Variants in PCDHB16 observed in about 807,000 individuals in gnomAD.
The protein encoded by PCDHB16 is protocadherin beta 16, also known as protocadherin beta-16.
For synonymous variants in PCDHB16, 444 were observed against 436.5 expected (o/e 1.02, Z -0.21); for missense variants, 1,026 against 989.9 (o/e 1.04, Z -0.49).
In PCDHB16 at chr5:141,184,453, G is replaced by A. The variant is rs781986402; in HGVS notation, c.1894G>A (p.Glu632Lys). The change falls in exon 1 of 1, where the codon GAG becomes AAG. Residue 632 changes from glutamate to lysine, a missense_variant. Transcript: ENST00000609684. ...GEVRTARLLS[E>K]RDAAKQRLVV... ...GGTGCGCACCGCCAGGCTGCTGAGC[G>A]AGCGCGACGCAGCCAAGCAGAGGCT... is the stretch of plus-strand genomic sequence containing the variant. The A allele has an allele frequency of 8.2e-5, 132 of 1,608,124 alleles. No individual in the cohort carries two copies. The highest frequency in any genetic ancestry group is 1.1e-4 in the Non-Finnish European group (129 of 1,179,570).
Position 141,184,648 on chromosome 5 carries a change from G to T in PCDHB16, c.2089G>T (p.Val697Leu). ...CTACCTGGTGGTGGCGTTGGCCTCG[G>T]TGTCGTCGCTCTTCCTCTTTTCGGT... ...TVYLVVALASVSSLFLFSVLL... is the reference protein window; with the variant it reads ...TVYLVVALASLSSLFLFSVLL... The change falls in exon 1 of 1, where the codon GTG (valine) becomes TTG (leucine). Residue 697 changes from valine to leucine, a missense_variant. Physicochemically the swap from Val to Leu is conservative, Grantham distance 32. Transcript: ENST00000609684. The T allele has an allele frequency of 1.2e-6, 2 of 1,612,424 alleles. No homozygotes were observed. Among genetic ancestry groups the T allele is most frequent in the Non-Finnish European group, 8.5e-7 (1 of 1,179,516 alleles).
Position 141,185,857 on chromosome 5 carries a change from TA to T in PCDHB16, c.*972del. ...ATCTTTAACCAGCCTTATCTAAAAA[TA>T]AAAAGAGAAGCCATTGTAAGACATT... On this transcript the variant is annotated 3_prime_UTR_variant, in exon 1 of 1. Transcript: ENST00000609684. 1 of 992,636 alleles carries T rather than the reference TA, an allele frequency of 1.0e-6. No individual in the cohort carries two copies. The highest frequency in any genetic ancestry group is 1.1e-4 in the East Asian group (1 of 8,782). The allele number at this position is 992,636 out of a possible 1,614,324, so 61.5% of individuals were successfully genotyped here. A position where few individuals can be genotyped will look rare whatever the true frequency, so the allele number is the denominator to read the frequency against.
In PCDHB16 at chr5:141,186,197, T is replaced by C. The variant is rs1554282622; in HGVS notation, c.*1307T>C. Reference sequence around the variant, plus strand: ...AGCTTCTTTCTAGATATTAGGCCTTTGAATAAAATTCTATGTGAGTCAGAT... The same window carrying C: ...AGCTTCTTTCTAGATATTAGGCCTTCGAATAAAATTCTATGTGAGTCAGAT... On this transcript the variant is annotated 3_prime_UTR_variant, in exon 1 of 1. Transcript: ENST00000609684. The C allele has an allele frequency of 1.0e-6, 1 of 991,150 alleles. No homozygotes were observed. Among genetic ancestry groups the C allele is most frequent in the Non-Finnish European group, 1.2e-6 (1 of 821,992 alleles). 61.4% of individuals were successfully genotyped at this position (991,150 alleles called of 1,614,324 possible). A position where few individuals can be genotyped will look rare whatever the true frequency, so the allele number is the denominator to read the frequency against.
rs1753602894 is a variant in PCDHB16 at position 141,182,935 on chromosome 5, A to G, written c.376A>G (p.Ile126Val). 9 of 1,614,208 alleles carry G rather than the reference A, an allele frequency of 5.6e-6. No homozygotes were observed. Among genetic ancestry groups the G allele is most frequent in the Non-Finnish European group, 2.5e-6 (3 of 1,180,028 alleles). Reference protein sequence around the residue: ...IFQAELRVIDINDHSPMFTEK... With the variant: ...IFQAELRVIDVNDHSPMFTEK... ...TCAGGCTGAACTGAGGGTGATAGAT[A>G]TAAATGACCATTCTCCCATGTTCAC... is the stretch of plus-strand genomic sequence containing the variant. Residue 126 changes from isoleucine (I) to valine (V), a missense_variant, in exon 1 of 1, where the codon ATA (isoleucine) becomes GTA (valine). Coordinates refer to ENST00000609684, the MANE Select transcript of PCDHB16 (RefSeq NM_020957.4).
Position 141,186,085 on chromosome 5 carries a change from A to G in PCDHB16, c.*1195A>G. On this transcript the variant is annotated 3_prime_UTR_variant, in exon 1 of 1. Transcript: ENST00000609684. ...ACATGGTTTGGCTTTTATATTCATC[A>G]TAGTATACATTGGCGGTATCTAGCC... is the stretch of plus-strand genomic sequence containing the variant. 2 of 999,656 alleles carry G rather than the reference A, an allele frequency of 2.0e-6. No individual in the cohort carries two copies. The highest frequency in any genetic ancestry group is 3.5e-5 in the African/African-American group (2 of 57,338). The allele number at this position is 999,656 out of a possible 1,614,324, so 61.9% of individuals were successfully genotyped here. A position where few individuals can be genotyped will look rare whatever the true frequency, so the allele number is the denominator to read the frequency against.
In PCDHB16 at chr5:141,183,498, G is replaced by C. The variant is rs1244265805; in HGVS notation, c.939G>C (p.Thr313=). The C allele has an allele frequency of 1.2e-6, 2 of 1,614,206 alleles. No homozygotes were observed. The highest frequency in any genetic ancestry group is 2.2e-5 in the East Asian group (1 of 44,886). The change falls in exon 1 of 1, where the codon ACG becomes ACC. Residue 313 remains threonine (T), a synonymous_variant. Transcript: ENST00000609684. ...LRKQVDFEMV[T]SYEVRIKATD... ...AGCAAGTAGATTTCGAAATGGTTACGTCTTATGAAGTGCGCATCAAAGCCA... is the reference window on the plus strand; with the variant it reads ...AGCAAGTAGATTTCGAAATGGTTACCTCTTATGAAGTGCGCATCAAAGCCA...
In PCDHB16 at chr5:141,185,781, T is replaced by C; in HGVS notation, c.*891T>C. On this transcript the variant is annotated 3_prime_UTR_variant, in exon 1 of 1. Transcript: ENST00000609684. ...AAAAAAAGTTCTATTTTCCCTGTAT[T>C]GGTATCTCCTTAAATAAAATAAAAT... is the stretch of plus-strand genomic sequence containing the variant. 1.0e-6 allele frequency: 1 copy of C among 982,608 alleles called. No homozygotes were observed. Among genetic ancestry groups the C allele is most frequent in the Non-Finnish European group, 1.2e-6 (1 of 813,988 alleles). 60.9% of individuals were successfully genotyped at this position (982,608 alleles called of 1,614,324 possible).
rs1185685545 is a variant in PCDHB16 at position 141,185,130 on chromosome 5, A to G, written c.*240A>G. On this transcript the variant is annotated 3_prime_UTR_variant, in exon 1 of 1. Coordinates refer to ENST00000609684, the MANE Select transcript of PCDHB16 (RefSeq NM_020957.4). ...GAAGAGGTGTTGCATATAGAATCCC[A>G]ATTAACAAAATATACTTTATCTTCA... 3.9e-6 allele frequency: 5 copies of G among 1,273,956 alleles called. No individual in the cohort carries two copies. Among genetic ancestry groups the G allele is most frequent in the Admixed American group, 3.8e-5 (1 of 26,198 alleles). 78.9% of individuals were successfully genotyped at this position (1,273,956 alleles called of 1,614,324 possible).
chr5:141,183,531 G>C lies in PCDHB16; in HGVS notation c.972G>C (p.Gly324=). ...SYEVRIKATD[G]GGLSGKCTLL... is the part of the protein sequence containing the mutation. ...AAGTGCGCATCAAAGCCACAGATGG[G>C]GGAGGTCTTTCAGGAAAGTGCACTC... The change falls in exon 1 of 1, where the codon GGG becomes GGC. Residue 324 remains glycine (G), a synonymous_variant. Transcript: ENST00000609684. 6.2e-7 allele frequency: 1 copy of C among 1,614,188 alleles called. No individual in the cohort carries two copies. Among genetic ancestry groups the C allele is most frequent in the Non-Finnish European group, 8.5e-7 (1 of 1,180,028 alleles).
chr5:141,183,135 T>C lies in PCDHB16; in HGVS notation c.576T>C (p.Pro192=), dbSNP rs782124995. 6.2e-7 allele frequency: 1 copy of C among 1,613,846 alleles called. No individual in the cohort carries two copies. Among genetic ancestry groups the C allele is most frequent in the Admixed American group, 1.7e-5 (1 of 60,024 alleles). ...IHEFRDGRKY[P]ELVLDKELDR... ...AATTCAGAGATGGCAGGAAATACCC[T>C]GAGCTAGTGTTGGATAAAGAGCTGG... The change falls in exon 1 of 1, where the codon CCT becomes CCC. Residue 192 remains proline, a synonymous_variant. Coordinates refer to ENST00000609684, the MANE Select transcript of PCDHB16 (RefSeq NM_020957.4).
chr5:141,184,886 CT>C lies in PCDHB16; in HGVS notation c.2329del (p.Ter777ArgfsTer7). On this transcript the variant is annotated frameshift_variant, in exon 1 of 1. Transcript: ENST00000609684. LOFTEE classifies it high-confidence loss of function. ...AAGCCGATTATCCCCAACTTCTCTC[CT>C]TAGGGCACTAGGAAAGAAATAGATT... ...FLKPIIPNFS[P>X] is the part of the protein sequence containing the mutation. 6.2e-7 allele frequency: 1 copy of C among 1,614,022 alleles called. No homozygotes were observed. The highest frequency in any genetic ancestry group is 1.7e-5 in the Admixed American group (1 of 60,006).
chr5:141,185,814 T>A lies in PCDHB16; in HGVS notation c.*924T>A. 8 of 982,478 alleles carry A rather than the reference T, an allele frequency of 8.1e-6. No homozygotes were observed. Among genetic ancestry groups the A allele is most frequent in the Non-Finnish European group, 7.4e-6 (6 of 814,078 alleles). The allele number at this position is 982,478 out of a possible 1,614,324, so 60.9% of individuals were successfully genotyped here. On this transcript the variant is annotated 3_prime_UTR_variant, in exon 1 of 1. Transcript: ENST00000609684. ...CCTTAAATAAAATAAAATATTCCTA[T>A]TGTAAGTGATATGAGAAATCTTTAA...
In PCDHB16 at chr5:141,185,740, G is replaced by C; in HGVS notation, c.*850G>C. 2.0e-6 allele frequency: 2 copies of C among 997,024 alleles called. No homozygotes were observed. The highest frequency in any genetic ancestry group is 2.4e-6 in the Non-Finnish European group (2 of 827,316). 61.8% of individuals were successfully genotyped at this position (997,024 alleles called of 1,614,324 possible). ...ATTTATTTTTTTGAGATGGAGTCTC[G>C]TAAAGTTACCTTTAAAAAAAAAGTT... On this transcript the variant is annotated 3_prime_UTR_variant, in exon 1 of 1. Coordinates refer to ENST00000609684, the MANE Select transcript of PCDHB16 (RefSeq NM_020957.4).
Position 141,183,051 on chromosome 5 carries a change from C to A in PCDHB16, c.492C>A (p.Ser164Arg). 2 of 1,614,146 alleles carry A rather than the reference C, an allele frequency of 1.2e-6. No homozygotes were observed. The highest frequency in any genetic ancestry group is 1.1e-5 in the South Asian group (1 of 91,084). Residue 164 changes from serine (S) to arginine (R), a missense_variant, in exon 1 of 1, where the codon AGC becomes AGA. Ser to Arg is a moderately radical substitution (Grantham distance 110). Coordinates refer to ENST00000609684, the MANE Select transcript of PCDHB16 (RefSeq NM_020957.4). ...LNHALDLDVG[S>R]NNVQNYKISP... is the part of the protein sequence containing the mutation. ...ATGCTTTGGACTTGGACGTAGGAAG[C>A]AATAATGTTCAAAACTATAAAATCA...
chr5:141,185,104 C>A lies in PCDHB16; in HGVS notation c.*214C>A. 7.2e-7 allele frequency: 1 copy of A among 1,387,838 alleles called. No individual in the cohort carries two copies. Among genetic ancestry groups the A allele is most frequent in the Non-Finnish European group, 9.4e-7 (1 of 1,067,878 alleles). The allele number at this position is 1,387,838 out of a possible 1,614,324, so 86.0% of individuals were successfully genotyped here. A position where few individuals can be genotyped will look rare whatever the true frequency, so the allele number is the denominator to read the frequency against. ...GTTTCCCTTTTCCTCATATTTACCCCGAAGAGGTGTTGCATATAGAATCCC... is the reference window on the plus strand; with the variant it reads ...GTTTCCCTTTTCCTCATATTTACCCAGAAGAGGTGTTGCATATAGAATCCC... On this transcript the variant is annotated 3_prime_UTR_variant, in exon 1 of 1. Transcript: ENST00000609684.
In PCDHB16 at chr5:141,185,398, CTTTTCTTTCTTTTT is replaced by C. The variant is rs1207143380; in HGVS notation, c.*513_*526del. 1.3e-6 allele frequency: 1 copy of C among 746,606 alleles called. No homozygotes were observed. The highest frequency in any genetic ancestry group is 2.0e-5 in the African/African-American group (1 of 50,696). 46.2% of individuals were successfully genotyped at this position (746,606 alleles called of 1,614,324 possible). A position where few individuals can be genotyped will look rare whatever the true frequency, so the allele number is the denominator to read the frequency against. ...TTCTTAAAGTTTCTTTCTTTCTTTT[CTTTTCTTTCTTTTT>C]TTTTTTTTCCTTTTTGAGACAGGGT... On this transcript the variant is annotated 3_prime_UTR_variant, in exon 1 of 1. Coordinates refer to ENST00000609684, the MANE Select transcript of PCDHB16 (RefSeq NM_020957.4).
Position 141,185,532 on chromosome 5 carries a change from T to A in PCDHB16, c.*642T>A, listed in dbSNP as rs1554282554. On this transcript the variant is annotated 3_prime_UTR_variant, in exon 1 of 1. Coordinates refer to ENST00000609684, the MANE Select transcript of PCDHB16 (RefSeq NM_020957.4). ...CCCAACGGATCCTTCCACCTCAGCCTCCCAAGTAGCTTGGACTATAGGTGC... is the reference window on the plus strand; with the variant it reads ...CCCAACGGATCCTTCCACCTCAGCCACCCAAGTAGCTTGGACTATAGGTGC... 8.8e-6 allele frequency: 3 copies of A among 340,522 alleles called. No homozygotes were observed. The highest frequency in any genetic ancestry group is 1.2e-5 in the Non-Finnish European group (3 of 240,116). 21.1% of individuals were successfully genotyped at this position (340,522 alleles called of 1,614,324 possible). A position where few individuals can be genotyped will look rare whatever the true frequency, so the allele number is the denominator to read the frequency against.
chr5:141,185,698 C>T lies in PCDHB16; in HGVS notation c.*808C>T. ...GATTACAGGCATAAGCCAATGTGCC[C>T]ATCCAAAGTTTTATTTATTTATTTT... On this transcript the variant is annotated 3_prime_UTR_variant, in exon 1 of 1. Coordinates refer to ENST00000609684, the MANE Select transcript of PCDHB16 (RefSeq NM_020957.4). The T allele has an allele frequency of 1.0e-6, 1 of 995,644 alleles. No homozygotes were observed. Among genetic ancestry groups the T allele is most frequent in the Non-Finnish European group, 1.2e-6 (1 of 826,224 alleles). The allele number at this position is 995,644 out of a possible 1,614,324, so 61.7% of individuals were successfully genotyped here.
rs1435758054 is a variant in PCDHB16 at position 141,184,123 on chromosome 5, G to A, written c.1564G>A (p.Glu522Lys). ...GTTCGCCCTCAGGTCGCTGGACTAC[G>A]AGGCCCTGCAGGCTTTCGAGTTCCG... ...HLFALRSLDY[E>K]ALQAFEFRVG... The change falls in exon 1 of 1, where the codon GAG (glutamate) becomes AAG (lysine). Residue 522 changes from glutamate to lysine, a missense_variant. By Grantham distance (56) the Glu-to-Lys change is moderately conservative. Coordinates refer to ENST00000609684, the MANE Select transcript of PCDHB16 (RefSeq NM_020957.4). 6.5e-7 allele frequency: 1 copy of A among 1,540,878 alleles called. No homozygotes were observed. The highest frequency in any genetic ancestry group is 1.5e-5 in the African/African-American group (1 of 65,050).
Sources: gnomAD v4.1 joint callset for allele counts on GRCh38, gnomAD v4.1.1 for gene constraint, MANE v1.5 for transcripts, NCBI Gene and HGNC (gene_info 2026-07-23, HGNC 2026-07-21) for gene names.